NFIA: variants seen among roughly 807,000 people sequenced by gnomAD.
The protein encoded by NFIA is nuclear factor I A.
In NFIA, 8 loss-of-function variants were observed where a neutral mutation model predicts 62.8. The ratio of observed to expected loss-of-function variants is 0.13; its 90% CI spans 0.07 to 0.23. The LOEUF (loss-of-function observed/expected upper bound fraction) is 0.23. Among genes scored for constraint, NFIA ranks in the 10% least tolerant of loss-of-function variants. NFIA has a pLI of 1.00. For missense variants in NFIA, 410 were observed against 642.1 expected (o/e 0.64, Z 3.91); for synonymous variants, 235 against 238.1 (o/e 0.99, Z 0.12).
chr1:61,277,677 A>G, intron 3 of NFIA, 92 bp downstream of exon 3: 1 of 1,266,234 alleles, frequency 7.9e-7, no homozygotes, highest in Non-Finnish European at 1.1e-6. Flanking sequence ...CCTACCCTAT[A>G]AGTAGCCCAC....
rs116558021 is a variant in NFIA, at chr1:61,451,471, G to A, written c.1513-3832G>A. On this transcript the variant is annotated intron_variant, in intron 10 of 10. Transcript: ENST00000403491. ...ACTTCTTCATTTGACTGGAGAAAAG[G>A]AAAGCTGAGCTCTTGTCCTGGACTG... 6.9e-3 allele frequency among the ~76,000 whole-genome samples: 1,043 copies of A among 152,260 alleles called. 12 individuals carry two copies. Among genetic ancestry groups the A allele is most frequent in the African/African-American group, 0.024 (983 of 41,536 alleles).
chr1:61,271,879 C>A (rs890866291), intron 2 of NFIA, among the ~76,000 whole-genome samples: 5 of 152,156 alleles, frequency 3.3e-5, no homozygotes, highest in African/African-American at 1.2e-4. Flanking sequence ...GATAAGATTT[C>A]CCATTTAAAG....
intron 2 of NFIA, among the ~76,000 whole-genome samples, chr1:61,234,340 C>T (rs1404921660): frequency 6.9e-6 from 1 of 145,156 alleles, no homozygotes; most frequent in East Asian, 2.0e-4. Flanking sequence ...GCGCCCCAGC[C>T]TGGGCAACAA....
At chr1:61,253,684 A>G (rs1656192640) in intron 2 of NFIA, among the ~76,000 whole-genome samples, 1 of 152,218 alleles carries the variant, frequency 6.6e-6, no homozygotes, top group African/African-American at 2.4e-5. Flanking sequence ...ACAAACCCTA[A>G]TAGCCAAAGG....
chr1:61,410,326 C>T (rs547191893), intron 9 of NFIA, among the ~76,000 whole-genome samples: 4 of 152,162 alleles, frequency 2.6e-5, no homozygotes, highest in Admixed American at 1.3e-4. Flanking sequence ...AATTGGATTA[C>T]CACTAGATAA....
intron 10 of NFIA, among the ~76,000 whole-genome samples, chr1:61,432,608 T>C (rs1211325408): frequency 0.014 from 1,332 of 94,684 alleles, 18 homozygotes; most frequent in African/African-American, 0.059. Flanking sequence ...TATATATATA[T>C]ATACACACAC....
At chr1:61,361,199 C>G (rs1403759797) in intron 6 of NFIA, among the ~76,000 whole-genome samples, 1 of 152,198 alleles carries the variant, frequency 6.6e-6, no homozygotes, top group Non-Finnish European at 1.5e-5. Context: ...CACACATCAT[C>G]TTTTCTCCGA....
chr1:61,186,140 A>G (rs1000211333), intron 2 of NFIA, among the ~76,000 whole-genome samples: 2 of 152,110 alleles, frequency 1.3e-5, no homozygotes, highest in Non-Finnish European at 2.9e-5. Context: ...TTGTTAAACG[A>G]ATGTTTTCAG....
chr1:61,348,174 CA>C (rs1406052304), intron 4 of NFIA, among the ~76,000 whole-genome samples: 5 of 152,240 alleles, frequency 3.3e-5, no homozygotes, highest in Admixed American at 2.6e-4. Flanking sequence ...CTGCTCCCCT[CA>C]AGTGTGAAGC....
intron 2 of NFIA, among the ~76,000 whole-genome samples, chr1:61,215,340 A>T (rs1653548093): frequency 6.6e-6 from 1 of 152,204 alleles, no homozygotes; most frequent in Non-Finnish European, 1.5e-5. Flanking sequence ...TAATGCTGTA[A>T]ATTTTTGATA....
At chr1:61,144,121 A>T (rs763945575) in intron 2 of NFIA, among the ~76,000 whole-genome samples, 16 of 152,196 alleles carry the variant, frequency 1.1e-4, no homozygotes, top group Admixed American at 3.3e-4. Context: ...GCTCTGACAG[A>T]GGTGATGTTG....
intron 2 of NFIA, among the ~76,000 whole-genome samples, chr1:61,091,764 T>C (rs1475444066): frequency 6.6e-6 from 1 of 152,184 alleles, no homozygotes; most frequent in Non-Finnish European, 1.5e-5. Flanking sequence ...GTCATAACCT[T>C]AGCCACCAGG....
intron 2 of NFIA, among the ~76,000 whole-genome samples, chr1:61,149,966 G>A (rs1057320744): frequency 6.6e-6 from 1 of 151,980 alleles, no homozygotes; most frequent in Non-Finnish European, 1.5e-5. Context: ...GTCTAAACAG[G>A]TTCCATCGTG....
intron 4 of NFIA, among the ~76,000 whole-genome samples, chr1:61,348,975 G>A (rs1056822290): frequency 6.6e-6 from 1 of 152,190 alleles, no homozygotes; most frequent in Non-Finnish European, 1.5e-5. Flanking sequence ...AATGAGAGGT[G>A]TGAATCTCTA....
At chr1:61,166,584 T>C (rs1470424973) in intron 2 of NFIA, among the ~76,000 whole-genome samples, 5 of 152,124 alleles carry the variant, frequency 3.3e-5, no homozygotes, top group Admixed American at 1.3e-4. Flanking sequence ...TTTTAACTCA[T>C]GAAAGAAACC....
intron 10 of NFIA, among the ~76,000 whole-genome samples, chr1:61,447,029 T>A (rs1037641443): frequency 2.4e-4 from 37 of 152,196 alleles, no homozygotes; most frequent in Non-Finnish European, 7.3e-5. Context: ...TAATTAAAAT[T>A]GGAATCCGAT....
chr1:61,258,043 G>A (rs1257930365), intron 2 of NFIA, among the ~76,000 whole-genome samples: 1 of 151,818 alleles, frequency 6.6e-6, no homozygotes. Flanking sequence ...TGTATACTAT[G>A]TGCCTTGAAA....
At chr1:61,201,897 CATT>C (rs1652526651) in intron 2 of NFIA, among the ~76,000 whole-genome samples, 4 of 151,970 alleles carry the variant, frequency 2.6e-5, no homozygotes. Flanking sequence ...AGTATGCTGA[CATT>C]GTTATTTCTT....
rs1221163389 is a variant in NFIA at position 61,462,201 on chromosome 1, C to G, written c.*6881C>G. ...CTGCACTGCGAAGGCATTTGGTAGC[C>G]TCGCCACTGAGATACTAACTAGACC... is the stretch of plus-strand genomic sequence containing the variant. On this transcript the variant is annotated 3_prime_UTR_variant, in exon 11 of 11. Coordinates refer to ENST00000403491, the MANE Select transcript of NFIA (RefSeq NM_001134673.4). 6.6e-6 allele frequency: 1 copy of G among 151,882 alleles called. No homozygotes were observed. The highest frequency in any genetic ancestry group is 1.5e-5 in the Non-Finnish European group (1 of 67,992). The allele number at this position is 151,882 out of a possible 1,614,324, so 9.4% of individuals were successfully genotyped here. A position where few individuals can be genotyped will look rare whatever the true frequency, so the allele number is the denominator to read the frequency against.
Sources: allele counts gnomAD v4.1 joint callset (sites outside exome capture counted in the v4.1 genomes callset), GRCh38; gene constraint gnomAD v4.1.1; transcripts MANE v1.5; gene names NCBI Gene and HGNC (gene_info 2026-07-23, HGNC 2026-07-21).